Variants in TMEM17 observed in about 807,000 individuals in gnomAD.
TMEM17 encodes transmembrane protein 17.
TMEM17 carries 15 observed loss-of-function variants against 19.1 expected under a neutral mutation model. The observed-to-expected ratio is 0.78, with a 90% confidence interval of 0.52 to 1.21. The LOEUF (loss-of-function observed/expected upper bound fraction) is 1.21, where lower values mean the gene tolerates loss of function less well. TMEM17 is among the 50% of genes most tolerant of loss of function. TMEM17 has a pLI of 0.00. For synonymous variants in TMEM17, 103 were observed against 86.9 expected (o/e 1.19, Z -1.03); for missense variants, 245 against 242.3 (o/e 1.01, Z -0.07).
chr2:62,466,367 C>G, the TMEM17 span, among the ~76,000 whole-genome samples: 59 of 152,290 alleles, frequency 3.9e-4, no homozygotes, highest in Middle Eastern at 3.4e-3. Flanking sequence ...TTCCTGCCTG[C>G]TGGTCCCAGA....
the TMEM17 span, among the ~76,000 whole-genome samples, chr2:62,476,731 C>A: frequency 3.3e-5 from 5 of 152,148 alleles, no homozygotes; most frequent in African/African-American, 1.2e-4. Context: ...GGGGCCTGGA[C>A]AAGGGGAATT....
chr2:62,459,520 T>C, the TMEM17 span, among the ~76,000 whole-genome samples: 11 of 152,340 alleles, frequency 7.2e-5, no homozygotes, highest in South Asian at 2.3e-3. Context: ...TAACTCACTT[T>C]CCCGGCTGTC....
chr2:62,506,079 G>A lies in TMEM17; in HGVS notation c.51C>T (p.Ala17=), dbSNP rs200771204. The change falls in exon 1 of 4, where the codon GCC becomes GCT. Residue 17 remains alanine, a synonymous_variant. Coordinates refer to ENST00000335390, the MANE Select transcript of TMEM17 (RefSeq NM_198276.3). ...VRQRLGNFSR[A]VFSDSNRTGP... ...CGGTCCGATTGGAATCACTGAACAC[G>A]GCCCGGCTGAAGTTTCCCAGCCGCT... 1.4e-5 allele frequency: 23 copies of A among 1,610,564 alleles called. No individual in the cohort carries two copies. Among genetic ancestry groups the A allele is most frequent in the African/African-American group, 6.7e-5 (5 of 74,598 alleles).
the TMEM17 span, among the ~76,000 whole-genome samples, chr2:62,453,744 T>C: frequency 6.6e-6 from 1 of 152,236 alleles, no homozygotes; most frequent in Non-Finnish European, 1.5e-5. Context: ...CCTACACTTG[T>C]CATTTTGCAG....
intron 3 of TMEM17, 177 bp from the exon 4 acceptor site, chr2:62,501,664 T>C (rs1679933282): frequency 1.6e-6 from 1 of 617,326 alleles, no homozygotes; most frequent in Non-Finnish European, 2.8e-6. Flanking sequence ...AGAAAACTAA[T>C]TCATGTAAAA....
rs1558721692 is a variant in TMEM17, at chr2:62,500,260, G to T, written c.*949C>A. Reference sequence around the variant, plus strand: ...AAATATTTAATAATTTATTGTAAAAGCATTTTGTATACCACCATTACAAAT... The same window carrying T: ...AAATATTTAATAATTTATTGTAAAATCATTTTGTATACCACCATTACAAAT... On this transcript the variant is annotated 3_prime_UTR_variant, in exon 4 of 4. Transcript: ENST00000335390. The T allele has an allele frequency of 6.6e-6, 1 of 152,074 alleles. No individual in the cohort carries two copies. The highest frequency in any genetic ancestry group is 1.5e-5 in the Non-Finnish European group (1 of 68,010). The allele number at this position is 152,074 out of a possible 1,614,324, so 9.4% of individuals were successfully genotyped here.
At chr2:62,461,077 T>C in the TMEM17 span, among the ~76,000 whole-genome samples, 3 of 152,194 alleles carry the variant, frequency 2.0e-5, no homozygotes, top group African/African-American at 7.2e-5. Context: ...TTACAGAGTG[T>C]GTGTGCCTTC....
At chr2:62,485,400 T>C in the TMEM17 span, among the ~76,000 whole-genome samples, 5 of 152,262 alleles carry the variant, frequency 3.3e-5, no homozygotes, top group Admixed American at 2.0e-4. Context: ...TATCTTACTC[T>C]AGTCTTTGGA....
chr2:62,467,486 T>C, the TMEM17 span, among the ~76,000 whole-genome samples: 1 of 152,198 alleles, frequency 6.6e-6, no homozygotes, highest in Non-Finnish European at 1.5e-5. Context: ...TCAAAACACT[T>C]CTGGGAAAGT....
At chr2:62,505,073 T>A (rs1323189070) in intron 1 of TMEM17, among the ~76,000 whole-genome samples, 1 of 152,194 alleles carries the variant, frequency 6.6e-6, no homozygotes, top group Non-Finnish European at 1.5e-5. Context: ...AAGGCCTACA[T>A]TTGGGAAATA....
chr2:62,483,444 C>G, the TMEM17 span, among the ~76,000 whole-genome samples: 2 of 152,156 alleles, frequency 1.3e-5, no homozygotes, highest in Non-Finnish European at 2.9e-5. Context: ...AGCAGTCCTT[C>G]CTTATTTATG....
At chr2:62,472,324 T>G in the TMEM17 span, among the ~76,000 whole-genome samples, 1 of 152,166 alleles carries the variant, frequency 6.6e-6, no homozygotes, top group African/African-American at 2.4e-5. Flanking sequence ...AGCAGAGTCT[T>G]GGGGCTTTCC....
the TMEM17 span, among the ~76,000 whole-genome samples, chr2:62,458,805 C>T: frequency 1.3e-5 from 2 of 152,142 alleles, no homozygotes; most frequent in African/African-American, 2.4e-5. Flanking sequence ...CATCTGTGAG[C>T]GTGACAGCTG....
chr2:62,453,845 G>A, the TMEM17 span, among the ~76,000 whole-genome samples: 1 of 152,182 alleles, frequency 6.6e-6, no homozygotes, highest in Non-Finnish European at 1.5e-5. Context: ...AAGGGTGGGG[G>A]AATTCACATG....
chr2:62,466,984 T>C, the TMEM17 span, among the ~76,000 whole-genome samples: 7 of 152,166 alleles, frequency 4.6e-5, no homozygotes, highest in African/African-American at 1.4e-4. Flanking sequence ...TTTTATTTAA[T>C]TTATTTATTT....
the TMEM17 span, among the ~76,000 whole-genome samples, chr2:62,474,996 G>A: frequency 1.3e-5 from 2 of 152,274 alleles, no homozygotes; most frequent in African/African-American, 2.4e-5. Flanking sequence ...CACTTGGGAC[G>A]CTTTTTAAAA....
chr2:62,456,896 G>C, the TMEM17 span, among the ~76,000 whole-genome samples: 1 of 152,268 alleles, frequency 6.6e-6, no homozygotes, highest in East Asian at 1.9e-4. Context: ...TTACCAGGGT[G>C]GCGGCGGGGA....
chr2:62,505,540 G>A (rs1266785644), intron 1 of TMEM17, among the ~76,000 whole-genome samples: 2 of 149,222 alleles, frequency 1.3e-5, no homozygotes, highest in Non-Finnish European at 3.0e-5. Context: ...AAAGGGAAAA[G>A]GCAAATTTGT....
At chr2:62,457,842 G>C in the TMEM17 span, among the ~76,000 whole-genome samples, 682 of 151,832 alleles carry the variant, frequency 4.5e-3, 3 homozygotes, top group African/African-American at 0.016. This position sits in a 1 kb window ranked among gnomAD's most constrained non-coding sequence, Gnocchi z 4.2. Flanking sequence ...CTGCTTTGCC[G>C]CTGAACCCAG....
Sources: gnomAD v4.1 joint callset for allele counts (sites outside exome capture counted in the v4.1 genomes callset) on GRCh38, gnomAD v4.1.1 for gene constraint, Gnocchi (gnomAD v3.1) non-coding constraint, MANE v1.5 for transcripts, NCBI Gene and HGNC (gene_info 2026-07-23, HGNC 2026-07-21) for gene names.